Variants in SRP19 observed in about 807,000 individuals in gnomAD.
SRP19 encodes signal recognition particle 19, also known as signal recognition particle 19 kDa protein.
SRP19 carries 11 observed loss-of-function variants against 22.4 expected under a neutral mutation model. That is an observed-to-expected ratio of 0.49 (90% confidence interval 0.31 to 0.81). The LOEUF (loss-of-function observed/expected upper bound fraction) is 0.81, where lower values mean the gene tolerates loss of function less well. Ranked by LOEUF, SRP19 falls within the 40% of genes least tolerant of loss-of-function variation. The pLI is 0.05. For synonymous variants in SRP19, 61 were observed against 57.6 expected (o/e 1.06, Z -0.27); for missense variants, 168 against 175.9 (o/e 0.96, Z 0.25).
At chr5:112,875,100 C>T (rs545146573) in intron 4 of SRP19, among the ~76,000 whole-genome samples, 3 of 152,152 alleles carry the variant, frequency 2.0e-5, no homozygotes, top group Admixed American at 6.5e-5. Context: ...TGGGAAGCAT[C>T]GATCTAACCA....
In SRP19 at chr5:112,891,663, G is replaced by A. The variant is rs559459724; in HGVS notation, c.*56G>A. ...AGATGGCTGCACTTGAGAAGATGAC[G>A]TTTCCCAAGAAGATGACATTTCCAG... On this transcript the variant is annotated 3_prime_UTR_variant, in exon 5 of 5. Coordinates refer to the SRP19 transcript ENST00000391338. 1.4e-4 allele frequency: 226 copies of A among 1,612,220 alleles called. 1 individual carries two copies. The highest frequency in any genetic ancestry group is 7.2e-4 in the Admixed American group (43 of 59,544).
downstream of SRP19, among the ~76,000 whole-genome samples, chr5:112,872,322 CTTTTT>C (rs759571945): frequency 1.1e-5 from 1 of 92,690 alleles, no homozygotes. Context: ...CCAAATGATT[CTTTTT>C]TTTTTTTTTT....
intron 4 of SRP19, 47 bp downstream of exon 4, chr5:112,864,779 C>T (rs1767536351): frequency 1.2e-5 from 17 of 1,396,844 alleles, no homozygotes; most frequent in Non-Finnish European, 1.7e-5. Flanking sequence ...TAGGTTTCTC[C>T]TACACAACAC....
downstream of SRP19, among the ~76,000 whole-genome samples, chr5:112,872,181 C>G (rs1489084924): frequency 4.6e-5 from 7 of 152,330 alleles, no homozygotes; most frequent in Non-Finnish European, 8.8e-5. Context: ...CTGTTCACAG[C>G]TCAGCCGTGT....
chr5:112,880,867 G>A (rs1300425106), intron 4 of SRP19, among the ~76,000 whole-genome samples: 2 of 152,134 alleles, frequency 1.3e-5, no homozygotes, highest in African/African-American at 4.8e-5. Context: ...GGTGGCTCAT[G>A]CCTGTAATCC....
intron 4 of SRP19, among the ~76,000 whole-genome samples, chr5:112,888,459 G>A (rs1276938451): frequency 6.6e-6 from 1 of 152,134 alleles, no homozygotes; most frequent in Non-Finnish European, 1.5e-5. Context: ...GTCTTGCTCT[G>A]TCACCCAGGC....
At chr5:112,872,964 A>T (rs933903121), downstream of SRP19, among the ~76,000 whole-genome samples, 1 of 152,204 alleles carries the variant, frequency 6.6e-6, no homozygotes, top group Non-Finnish European at 1.5e-5. Flanking sequence ...TAAGGAATTC[A>T]AGGGAATTGC....
chr5:112,892,712 C>A (rs759009328), exon 5 of SRP19: 5 of 1,613,980 alleles, frequency 3.1e-6, no homozygotes, highest in Non-Finnish European at 3.4e-6. Flanking sequence ...TCAGATCAGA[C>A]TGGCTCCTCC....
intron 4 of SRP19, chr5:112,877,208 T>TGTCA (rs1039059085): frequency 1.3e-5 from 2 of 152,234 alleles, no homozygotes; most frequent in African/African-American, 4.8e-5. Context: ...AGAGTGATAC[T>TGTCA]GTCACTTAGT....
intron 4 of SRP19, chr5:112,887,113 A>G (rs1768277251): frequency 6.2e-7 from 1 of 1,613,526 alleles, no homozygotes; most frequent in South Asian, 1.1e-5. Flanking sequence ...GAAAGGACGG[A>G]TGATGCGCTT....
intron 4 of SRP19, chr5:112,885,415 C>A: frequency 5.3e-6 from 1 of 190,030 alleles, no homozygotes; most frequent in Non-Finnish European, 1.1e-5. Context: ...GTGAAGACAG[C>A]ACTTGGGGAT....
At chr5:112,873,167 GA>G (rs1767794498), downstream of SRP19, among the ~76,000 whole-genome samples, 1 of 149,650 alleles carries the variant, frequency 6.7e-6, no homozygotes, top group Admixed American at 6.7e-5. Flanking sequence ...TCAGCTCTGG[GA>G]AAGTTTTTTG....
At chr5:112,887,011 T>C in intron 4 of SRP19, 4 of 1,595,506 alleles carry the variant, frequency 2.5e-6, no homozygotes, top group Non-Finnish European at 3.4e-6. Flanking sequence ...TTCCTGAGTC[T>C]TACCTTCTTT....
At chr5:112,889,010 C>T (rs548599564) in intron 4 of SRP19, among the ~76,000 whole-genome samples, 5 of 150,982 alleles carry the variant, frequency 3.3e-5, no homozygotes, top group South Asian at 2.1e-4. Context: ...TTTCCCCTTT[C>T]GCTTGGGCTC....
chr5:112,867,347 T>A lies in SRP19; in HGVS notation c.302-57T>A, dbSNP rs763669616. On this transcript the variant is annotated intron_variant, in intron 4 of 4. Transcript: ENST00000505459. ...TTACACTTTGTGATATTCAATTTGA[T>A]GACTTTTTATGTCTTATTTCTCAGA... 4 of 1,557,804 alleles carry A rather than the reference T, an allele frequency of 2.6e-6. No individual in the cohort carries two copies. In the East Asian group the frequency reaches 9.0e-5, roughly 35 times the overall value.
exon 5 of SRP19, chr5:112,892,307 A>G (rs770817305): frequency 1.2e-6 from 2 of 1,614,106 alleles, no homozygotes; most frequent in Non-Finnish European, 1.7e-6. Flanking sequence ...AGGAGGGATG[A>G]CTATGACCCT....
intron 1 of SRP19, chr5:112,862,274 G>A (rs1580711207): frequency 1.7e-6 from 1 of 572,022 alleles, no homozygotes; most frequent in Non-Finnish European, 3.1e-6. Flanking sequence ...GTTGAGGGAG[G>A]GGGATCAATC....
At chr5:112,872,492 C>A (rs1767781164), downstream of SRP19, among the ~76,000 whole-genome samples, 1 of 152,080 alleles carries the variant, frequency 6.6e-6, no homozygotes, top group Non-Finnish European at 1.5e-5. Flanking sequence ...CCATGCCTAG[C>A]TAATTTTTGT....
chr5:112,892,978 A>G (rs758469772), exon 5 of SRP19: 43 of 1,585,806 alleles, frequency 2.7e-5, no homozygotes, highest in Non-Finnish European at 3.5e-5. Context: ...GAGCCGCAGG[A>G]GCCACCGCAG....
Sources: gnomAD v4.1 joint callset for allele counts (sites outside exome capture counted in the v4.1 genomes callset) on GRCh38, gnomAD v4.1.1 for gene constraint, MANE v1.5 for transcripts, NCBI Gene and HGNC (gene_info 2026-07-23, HGNC 2026-07-21) for gene names.